The following VAV3 variants were observed in gnomAD, a reference collection of about 807,000 sequenced individuals.
VAV3 encodes vav guanine nucleotide exchange factor 3.
A neutral mutation model predicts 131.2 loss-of-function variants in VAV3; 94 were observed. That is an observed-to-expected ratio of 0.72 (90% CI 0.61 to 0.85). The LOEUF (loss-of-function observed/expected upper bound fraction) is 0.85. Among genes scored for constraint, VAV3 ranks in the 40% least tolerant of loss-of-function variants. VAV3 has a pLI of 0.00. For synonymous variants in VAV3, 349 were observed against 342.0 expected (o/e 1.02, Z -0.22); for missense variants, 939 against 1,002.7 (o/e 0.94, Z 0.86).
intron 23 of VAV3, among the ~76,000 whole-genome samples, 200 bp from the exon 24 acceptor site, chr1:107,602,684 G>A (rs1651957355): frequency 6.6e-6 from 1 of 152,086 alleles, no homozygotes; most frequent in Non-Finnish European, 1.5e-5. Flanking sequence ...TATTTGAAGT[G>A]AGAAGGGAGG....
At chr1:107,722,800 G>A (rs970428090) in intron 15 of VAV3, among the ~76,000 whole-genome samples, 8 of 149,288 alleles carry the variant, frequency 5.4e-5, no homozygotes, top group African/African-American at 1.5e-4. Flanking sequence ...AGATACCCTC[G>A]AATCTGGAAA....
chr1:107,763,841 G>C (rs1371236207), intron 9 of VAV3, among the ~76,000 whole-genome samples: 1 of 151,766 alleles, frequency 6.6e-6, no homozygotes, highest in Non-Finnish European at 1.5e-5. Flanking sequence ...AAGGGCTTCT[G>C]ATTTGAAAAT....
chr1:107,959,020 G>A (rs1013552949), intron 1 of VAV3, among the ~76,000 whole-genome samples: 9 of 152,014 alleles, frequency 5.9e-5, no homozygotes, highest in Non-Finnish European at 8.8e-5. Flanking sequence ...CAGTACTTTC[G>A]GGAGGCCAAG....
intron 1 of VAV3, among the ~76,000 whole-genome samples, chr1:107,943,396 T>C (rs1413668861): frequency 6.6e-6 from 1 of 152,118 alleles, no homozygotes; most frequent in Non-Finnish European, 1.5e-5. Flanking sequence ...AGAACAAAAT[T>C]AAGTGAATGT....
intron 10 of VAV3, among the ~76,000 whole-genome samples, chr1:107,760,039 A>T (rs77012289): frequency 6.6e-6 from 1 of 152,224 alleles, no homozygotes; most frequent in South Asian, 2.1e-4. Flanking sequence ...AATAGAGATG[A>T]CTAATAATTT....
chr1:107,871,952 T>C (rs935217713), intron 2 of VAV3, among the ~76,000 whole-genome samples: 1 of 152,188 alleles, frequency 6.6e-6, no homozygotes, highest in African/African-American at 2.4e-5. Flanking sequence ...TCATGCAGTA[T>C]CCTAAATCTT....
chr1:107,915,303 C>A (rs1030914127), intron 1 of VAV3, among the ~76,000 whole-genome samples: 8 of 152,182 alleles, frequency 5.3e-5, no homozygotes, highest in Non-Finnish European at 1.2e-4. Flanking sequence ...GTAGTGGGCT[C>A]ATTTCCACAT....
intron 20 of VAV3, among the ~76,000 whole-genome samples, chr1:107,618,898 T>C (rs1314672164): frequency 1.3e-5 from 2 of 152,188 alleles, no homozygotes; most frequent in African/African-American, 2.4e-5. Context: ...ATGGCATTTC[T>C]TTAAAGGTGT....
intron 1 of VAV3, among the ~76,000 whole-genome samples, chr1:107,887,077 T>C (rs2101049651): frequency 6.6e-6 from 1 of 152,326 alleles, no homozygotes; most frequent in Non-Finnish European, 1.5e-5. Context: ...TGTTAGTATG[T>C]TTTTACTAGT....
In VAV3 at chr1:107,725,660, ATG is replaced by A. The variant is rs546653222; in HGVS notation, c.1503-20601_1503-20600del. Among the ~76,000 whole-genome samples the A allele has an allele frequency of 3.9e-5, 6 of 152,180 alleles. No individual in the cohort carries two copies. In the East Asian group the frequency reaches 7.7e-4, roughly 20 times the overall value. ...CTCCCGAGTAGCTGGGATCACAGAC[ATG>A]TGCCACCACACCAGCTAAGTTTTGT... is the stretch of plus-strand genomic sequence containing the variant. On this transcript the variant is annotated intron_variant, in intron 15 of 26. Transcript: ENST00000370056.
At chr1:107,860,214 T>C (rs569021078) in intron 2 of VAV3, among the ~76,000 whole-genome samples, 44 of 152,236 alleles carry the variant, frequency 2.9e-4, no homozygotes, top group South Asian at 8.3e-4. Context: ...TCCACATTCT[T>C]GACTCAAGCC....
At chr1:107,612,136 A>G (rs1468520440) in intron 21 of VAV3, among the ~76,000 whole-genome samples, 2 of 149,702 alleles carry the variant, frequency 1.3e-5, no homozygotes, top group Non-Finnish European at 3.0e-5. Flanking sequence ...AATTATATAT[A>G]TATATATACA....
chr1:107,787,213 C>CT (rs1408587615), intron 2 of VAV3, among the ~76,000 whole-genome samples: 1 of 152,202 alleles, frequency 6.6e-6, no homozygotes, highest in African/African-American at 2.4e-5. Flanking sequence ...GGTTATTGCT[C>CT]TTTCCACTTC....
At chr1:107,920,458 T>C (rs576251270) in intron 1 of VAV3, among the ~76,000 whole-genome samples, 3 of 152,274 alleles carry the variant, frequency 2.0e-5, no homozygotes, top group Admixed American at 6.5e-5. Flanking sequence ...CCACCAAATA[T>C]TGCCTTGGAG....
intron 2 of VAV3, among the ~76,000 whole-genome samples, chr1:107,843,237 T>C (rs1291433600): frequency 6.6e-6 from 1 of 151,962 alleles, no homozygotes; most frequent in Non-Finnish European, 1.5e-5. Context: ...ACACACATCC[T>C]GAGTAAGTTT....
chr1:107,746,918 T>C (rs1353142659), intron 15 of VAV3, among the ~76,000 whole-genome samples: 1 of 151,310 alleles, frequency 6.6e-6, no homozygotes, highest in Non-Finnish European at 1.5e-5. Flanking sequence ...CTCAGTCTAG[T>C]ACCCAGGCTG....
chr1:107,706,805 A>G (rs1244639181), intron 15 of VAV3, among the ~76,000 whole-genome samples: 1 of 152,172 alleles, frequency 6.6e-6, no homozygotes, highest in African/African-American at 2.4e-5. Context: ...AACCCGAAAA[A>G]TTCATCAACC....
intron 2 of VAV3, among the ~76,000 whole-genome samples, chr1:107,796,106 TA>T (rs1415939023): frequency 6.6e-6 from 1 of 151,972 alleles, no homozygotes; most frequent in Non-Finnish European, 1.5e-5. Flanking sequence ...TATCAAACAG[TA>T]TAACAAAGTG....
intron 2 of VAV3, among the ~76,000 whole-genome samples, chr1:107,859,235 T>G (rs943997749): frequency 6.6e-6 from 1 of 152,028 alleles, no homozygotes. Flanking sequence ...CAAGCCCAGT[T>G]CATTATTTTA....
Sources: allele counts gnomAD v4.1 joint callset (sites outside exome capture counted in the v4.1 genomes callset), GRCh38; gene constraint gnomAD v4.1.1; transcripts MANE v1.5; gene names NCBI Gene and HGNC (gene_info 2026-07-23, HGNC 2026-07-21).